AVL9: variants seen among roughly 807,000 people sequenced by gnomAD.
AVL9 encodes late secretory pathway protein AVL9 homolog.
Under a neutral mutation model 79.2 loss-of-function variants are expected in AVL9, and 49 were observed. That is an observed-to-expected ratio of 0.62 (90% CI 0.49 to 0.79). The LOEUF is 0.79. Ranked by LOEUF, AVL9 falls within the 30% of genes least tolerant of loss-of-function variation. The pLI is 0.00. For synonymous variants in AVL9, 299 were observed against 280.6 expected, an observed-to-expected ratio of 1.07 and a Z score of -0.65; for missense variants, 682 against 776.8, an observed-to-expected ratio of 0.88 and a Z score of 1.45.
At chr7:32,559,638 A>G (rs761644235) in intron 10 of AVL9, among the ~76,000 whole-genome samples, 174 bp downstream of exon 10, 4 of 152,184 alleles carry the variant, frequency 2.6e-5, no homozygotes, top group Non-Finnish European at 5.9e-5. Flanking sequence ...GTATAAGTCT[A>G]TGGGGAAGTA....
intron 5 of AVL9, among the ~76,000 whole-genome samples, chr7:32,551,624 T>TTTTTTTTTTTTTA (rs1554341813): frequency 6.7e-6 from 1 of 149,234 alleles, no homozygotes; most frequent in Non-Finnish European, 1.5e-5. Context: ...TTTTTTTTTT[T>TTTTTTTTTTTTTA]AGGAAATAAT....
chr7:32,579,514 ATATTATATAT>A lies in AVL9; in HGVS notation c.1689-701_1689-692del, dbSNP rs1415831423. On this transcript the variant is annotated intron_variant, in intron 13 of 15. Coordinates refer to ENST00000318709, the MANE Select transcript of AVL9 (RefSeq NM_015060.3). Reference sequence around the variant, plus strand: ...TATTACATATTATATATTATATATTATATTATATATTATATATTATATTATATATTATATA... The same window carrying A: ...TATTACATATTATATATTATATATTATATATATTATATTATATATTATATA... Among the ~76,000 whole-genome samples the A allele has an allele frequency of 7.0e-3, 27 of 3,880 alleles. 5 individuals are homozygous for A. The highest frequency in any genetic ancestry group is 0.014 in the South Asian group (1 of 74). The allele number at this position is 3,880 out of a possible 152,430, so 2.5% of individuals were successfully genotyped here.
rs778684288 is a variant in AVL9, at chr7:32,559,079, T to A, written c.830T>A (p.Ile277Asn). ...ADVSHTNLGT[I>N]RKVMAGNHGE... ...GTTTCACATACCAACTTGGGAACTATCAGGAAAGTCATGGCAGGAAACCAT... is the reference window on the plus strand; with the variant it reads ...GTTTCACATACCAACTTGGGAACTAACAGGAAAGTCATGGCAGGAAACCAT... Residue 277 changes from isoleucine to asparagine, a missense_variant, in exon 10 of 16, where the codon ATC (isoleucine) becomes AAC (asparagine). Ile to Asn is a moderately radical substitution (Grantham distance 149). Coordinates refer to ENST00000318709, the MANE Select transcript of AVL9 (RefSeq NM_015060.3). The A allele has an allele frequency of 5.6e-6, 9 of 1,614,016 alleles. No homozygotes were observed. In the South Asian group the frequency reaches 9.9e-5, roughly 18 times the overall value.
intron 1 of AVL9, among the ~76,000 whole-genome samples, chr7:32,522,971 C>T (rs1033960270): frequency 3.9e-5 from 6 of 151,962 alleles, no homozygotes; most frequent in South Asian, 2.1e-4. Flanking sequence ...TTTTGCCTCC[C>T]GCCATAATTC....
At chr7:32,495,859 C>A (rs964345451) in intron 1 of AVL9, 57 bp downstream of exon 1, 5 of 1,121,836 alleles carry the variant, frequency 4.5e-6, no homozygotes, top group Non-Finnish European at 4.6e-6. Flanking sequence ...CCTTCCGGGG[C>A]CCCCCTGCCC....
At chr7:32,575,089 T>TTTTTG (rs10634953) in intron 12 of AVL9, among the ~76,000 whole-genome samples, 87,877 of 149,338 alleles carry the variant, frequency 0.59, 26,643 homozygotes, top group Admixed American at 0.69. Context: ...TTTAAGACTT[T>TTTTTG]TTTTGTTTTG....
At chr7:32,565,210 A>G (rs1313254545) in intron 10 of AVL9, among the ~76,000 whole-genome samples, 1 of 152,198 alleles carries the variant, frequency 6.6e-6, no homozygotes, top group African/African-American at 2.4e-5. Flanking sequence ...TTACGAGATT[A>G]TTGCCATTAT....
chr7:32,548,729 T>TAAC, intron 3 of AVL9, 118 bp from the exon 4 acceptor site: 1 of 682,136 alleles, frequency 1.5e-6, no homozygotes, highest in Non-Finnish European at 2.3e-6. Flanking sequence ...AAAAAACTTT[T>TAAC]TGAATTTAAC....
intron 10 of AVL9, among the ~76,000 whole-genome samples, chr7:32,562,920 C>A (rs1332133475): frequency 6.6e-6 from 1 of 152,126 alleles, no homozygotes; most frequent in Non-Finnish European, 1.5e-5. Flanking sequence ...TAGAGTAAGA[C>A]CCTGTCTCTA....
intron 2 of AVL9, among the ~76,000 whole-genome samples, chr7:32,544,205 TTAAA>T (rs1343743611): frequency 3.3e-5 from 5 of 152,218 alleles, no homozygotes; most frequent in African/African-American, 4.8e-5. Context: ...TTGTGACACT[TTAAA>T]TACTTAAGAT....
At chr7:32,563,007 C>T (rs1041999408) in intron 10 of AVL9, among the ~76,000 whole-genome samples, 28 of 152,262 alleles carry the variant, frequency 1.8e-4, no homozygotes, top group African/African-American at 6.7e-4. Flanking sequence ...AACGTGTGCA[C>T]ATCCTTCCAT....
rs1791332334 is a variant in AVL9 at position 32,579,498 on chromosome 7, T to TATTA, written c.1689-721_1689-720insATTA. On this transcript the variant is annotated intron_variant, in intron 13 of 15. Coordinates refer to ENST00000318709, the MANE Select transcript of AVL9 (RefSeq NM_015060.3). ...TATATTATATATAATATATTACATA[T>TATTA]TATATATTATATATTATATTATATA... Among the ~76,000 whole-genome samples, 10 of 6,928 alleles carry TATTA rather than the reference T, an allele frequency of 1.4e-3. 1 individual carries two copies. Among genetic ancestry groups the TATTA allele is most frequent in the African/African-American group, 6.7e-3 (10 of 1,490 alleles). The allele number at this position is 6,928 out of a possible 152,430, so 4.5% of individuals were successfully genotyped here. A position where few individuals can be genotyped will look rare whatever the true frequency, so the allele number is the denominator to read the frequency against.
At chr7:32,521,640 C>T (rs1194351599) in intron 1 of AVL9, among the ~76,000 whole-genome samples, 4 of 152,272 alleles carry the variant, frequency 2.6e-5, no homozygotes, top group South Asian at 2.1e-4. Flanking sequence ...CATTACTATG[C>T]GATAGACAAG....
At chr7:32,503,778 G>A (rs979800608) in intron 1 of AVL9, among the ~76,000 whole-genome samples, 3 of 151,838 alleles carry the variant, frequency 2.0e-5, no homozygotes, top group Non-Finnish European at 2.9e-5. Context: ...CACCTCCGGG[G>A]TACAAGCAAT....
rs1791814116 is a variant in AVL9 at position 32,586,826 on chromosome 7, T to C, written c.*2919T>C. 1 of 152,156 alleles carries C rather than the reference T, an allele frequency of 6.6e-6. No homozygotes were observed. Among genetic ancestry groups the C allele is most frequent in the Non-Finnish European group, 1.5e-5 (1 of 68,058 alleles). 9.4% of individuals were successfully genotyped at this position (152,156 alleles called of 1,614,324 possible). On this transcript the variant is annotated 3_prime_UTR_variant, in exon 16 of 16. Transcript: ENST00000318709. ...GGTATACTTCAATTCCTACTAGACA[T>C]TGTAATGACAATGGTGTAGGTAAGG... is the stretch of plus-strand genomic sequence containing the variant.
chr7:32,516,664 G>A (rs1016850385), intron 1 of AVL9, among the ~76,000 whole-genome samples: 4 of 151,826 alleles, frequency 2.6e-5, no homozygotes, highest in Non-Finnish European at 4.4e-5. Context: ...CCTCCTGGAG[G>A]TGCTAGACCT....
intron 2 of AVL9, 106 bp from the exon 3 acceptor site, chr7:32,544,588 A>C: frequency 1.4e-6 from 1 of 726,716 alleles, no homozygotes; most frequent in Non-Finnish European, 2.3e-6. Context: ...TCCTTGTTTT[A>C]TCATCATTTT....
intron 1 of AVL9, among the ~76,000 whole-genome samples, chr7:32,542,011 G>C (rs2128133719): frequency 6.6e-6 from 1 of 152,132 alleles, no homozygotes; most frequent in East Asian, 1.9e-4. Context: ...ACCGTGCCCA[G>C]CCAATTTTTC....
At chr7:32,517,835 G>C (rs1317668451) in intron 1 of AVL9, among the ~76,000 whole-genome samples, 1 of 147,674 alleles carries the variant, frequency 6.8e-6, no homozygotes, top group Non-Finnish European at 1.5e-5. Flanking sequence ...TGTTTGTTTT[G>C]TTTTGTTTTT....
Sources: gnomAD v4.1 joint callset for allele counts (sites outside exome capture counted in the v4.1 genomes callset) on GRCh38, gnomAD v4.1.1 for gene constraint, MANE v1.5 for transcripts, NCBI Gene and HGNC (gene_info 2026-07-23, HGNC 2026-07-21) for gene names.